CD300A: variants seen among roughly 807,000 people sequenced by gnomAD.
The protein encoded by CD300A is CD300a molecule.
Under a neutral mutation model 33.6 loss-of-function variants are expected in CD300A, and 22 were observed. The ratio of observed to expected loss-of-function variants is 0.66; its 90% CI spans 0.47 to 0.94. CD300A has a LOEUF of 0.94. Among genes scored for constraint, CD300A ranks in the 40% least tolerant of loss-of-function variants. The pLI, the probability that CD300A is intolerant of heterozygous loss-of-function variation, is 0.00. For synonymous variants in CD300A, 136 were observed against 148.1 expected (o/e 0.92, Z 0.59); for missense variants, 326 against 360.5 (o/e 0.90, Z 0.77).
chr17:74,483,584 T>A (rs1401561781), intron 6 of CD300A, among the ~76,000 whole-genome samples: 1 of 152,200 alleles, frequency 6.6e-6, no homozygotes, highest in Non-Finnish European at 1.5e-5. Context: ...CTCAAACTCC[T>A]GACATCAAGT....
In CD300A at chr17:74,473,819, A is replaced by T; in HGVS notation, c.324A>T (p.Pro108=). ...AGTYWCGVDT[P]WLRDFHDPVV... ...CCTACTGGTGTGGGGTGGATACACC[A>T]TGGCTCCGAGACTTTCATGATCCCG... Residue 108 remains proline, a synonymous_variant, in exon 2 of 7, where the codon CCA becomes CCT. Coordinates refer to ENST00000360141, the MANE Select transcript of CD300A (RefSeq NM_007261.4). The T allele has an allele frequency of 8.1e-6, 13 of 1,613,728 alleles. No individual in the cohort carries two copies. Among genetic ancestry groups the T allele is most frequent in the Non-Finnish European group, 1.1e-5 (13 of 1,179,786 alleles).
In CD300A at chr17:74,482,334, C is replaced by T. The variant is rs1425862506; in HGVS notation, c.774+501C>T. ...CTGGGGGTCACTTGGCAGAGAGGAT[C>T]GGGAGGGATGTAAGCATCAGCAGGG... On this transcript the variant is annotated intron_variant, in intron 6 of 6. Coordinates refer to ENST00000360141, the MANE Select transcript of CD300A (RefSeq NM_007261.4). Among the ~76,000 whole-genome samples, 4 of 151,532 alleles carry T rather than the reference C, an allele frequency of 2.6e-5. No individual in the cohort carries two copies. The East Asian group carries it at 5.9e-4, about 22-fold the overall frequency.
intron 5 of CD300A, 165 bp from the exon 6 acceptor site, chr17:74,481,561 A>T: frequency 1.5e-6 from 1 of 662,322 alleles, no homozygotes; most frequent in East Asian, 2.7e-5. Context: ...AGCCAAGCTG[A>T]CCTGGGGAAC....
intron 1 of CD300A, among the ~76,000 whole-genome samples, chr17:74,468,596 A>C (rs1905884557): frequency 6.6e-6 from 1 of 152,070 alleles, no homozygotes; most frequent in Admixed American, 6.6e-5. Flanking sequence ...TCCTCCCAAA[A>C]TGCAGGGATT....
In CD300A at chr17:74,473,557, G is replaced by T. The variant is rs781399210; in HGVS notation, c.62G>T (p.Cys21Phe). The T allele has an allele frequency of 6.2e-7, 1 of 1,613,814 alleles. No individual in the cohort carries two copies. The highest frequency in any genetic ancestry group is 1.7e-5 in the Admixed American group (1 of 60,010). The part of the protein sequence containing the change: ...WVPGCFALSK[C>F]RTVAGPVGGS... ...CCAGGATGTTTTGCTCTGAGCAAAT[G>T]CAGGACCGTGGCGGGCCCCGTGGGG... The change falls in exon 2 of 7, where the codon TGC (cysteine) becomes TTC (phenylalanine). Residue 21 changes from cysteine to phenylalanine, a missense_variant. Physicochemically the swap from Cys to Phe is radical, Grantham distance 205. Transcript: ENST00000360141.
At chr17:74,478,592 C>T (rs753360099) in intron 4 of CD300A, among the ~76,000 whole-genome samples, 13 of 152,212 alleles carry the variant, frequency 8.5e-5, no homozygotes, top group Non-Finnish European at 1.6e-4. Context: ...GATTGCAGAT[C>T]CCTGGCCGAG....
chr17:74,484,379 T>G lies in CD300A; in HGVS notation c.*253T>G. On this transcript the variant is annotated 3_prime_UTR_variant, in exon 7 of 7. Coordinates refer to ENST00000360141, the MANE Select transcript of CD300A (RefSeq NM_007261.4). ...CCAGTGCCTGTCACCTCTTTCCCCT[T>G]TGCCCCTGCTTCATCCCAGCTCTGT... 1 of 360,228 alleles carries G rather than the reference T, an allele frequency of 2.8e-6. No individual in the cohort carries two copies. The highest frequency in any genetic ancestry group is 5.3e-6 in the Non-Finnish European group (1 of 190,274). 22.3% of individuals were successfully genotyped at this position (360,228 alleles called of 1,614,324 possible).
rs1485589398 is a variant in CD300A at position 74,484,468 on chromosome 17, C to G, written c.*342C>G. On this transcript the variant is annotated 3_prime_UTR_variant, in exon 7 of 7. Transcript: ENST00000360141. ...AAAGATGTGGCTCACGTAGGTGGCA[C>G]CTGCCAATAGCTTTGTCAATCACAG... 1 of 191,108 alleles carries G rather than the reference C, an allele frequency of 5.2e-6. No homozygotes were observed. Among genetic ancestry groups the G allele is most frequent in the South Asian group, 1.1e-4 (1 of 9,410 alleles). The allele number at this position is 191,108 out of a possible 1,614,324, so 11.8% of individuals were successfully genotyped here.
At chr17:74,483,137 A>G (rs1474118126) in intron 6 of CD300A, among the ~76,000 whole-genome samples, 1 of 152,050 alleles carries the variant, frequency 6.6e-6, no homozygotes, top group African/African-American at 2.4e-5. Context: ...TTGTTGTCTC[A>G]TGATTTAAAG....
chr17:74,481,814 AGGT>A lies in CD300A; in HGVS notation c.758_760del (p.Val253del). The A allele has an allele frequency of 6.2e-7, 1 of 1,611,580 alleles. No homozygotes were observed. The highest frequency in any genetic ancestry group is 8.5e-7 in the Non-Finnish European group (1 of 1,179,052). On this transcript the variant is annotated inframe_deletion, in exon 6 of 7. Transcript: ENST00000360141. Reference sequence around the variant, plus strand: ...AAGCCAGCACCACCAAGGGAGGTGGAGGTGGAATACAGCACTGTGGTAAGTGCA... The same window carrying A: ...AAGCCAGCACCACCAAGGGAGGTGGAGGAATACAGCACTGTGGTAAGTGCA...
chr17:74,481,307 T>C lies in CD300A; in HGVS notation c.647T>C (p.Leu216Pro). Residue 216 changes from leucine (L) to proline (P), a missense_variant, in exon 5 of 7, where the codon CTG (leucine) becomes CCG (proline). Coordinates refer to ENST00000360141, the MANE Select transcript of CD300A (RefSeq NM_007261.4). ...TCTCTAGCTGGTGACCATTCAGAGC[T>C]GTCCCAGAACCCCAAGCAGGTAAGG... ...KWIKAGDHSELSQNPKQAATQ... is the reference protein window; with the variant it reads ...KWIKAGDHSEPSQNPKQAATQ... 1.2e-6 allele frequency: 2 copies of C among 1,613,998 alleles called. No homozygotes were observed. Among genetic ancestry groups the C allele is most frequent in the Non-Finnish European group, 1.7e-6 (2 of 1,179,984 alleles).
chr17:74,473,966 G>C, intron 2 of CD300A, 92 bp downstream of exon 2: 1 of 1,407,632 alleles, frequency 7.1e-7, no homozygotes, highest in Middle Eastern at 1.9e-4. Flanking sequence ...GACAGTGTGT[G>C]TGTGTGTGTG....
At position 74,481,770 on chromosome 17, in the gene CD300A, G is replaced by T; in HGVS notation, c.711G>T (p.Leu237=). 6.2e-7 allele frequency: 1 copy of T among 1,613,000 alleles called. No homozygotes were observed. The highest frequency in any genetic ancestry group is 2.2e-5 in the East Asian group (1 of 44,842). The change falls in exon 6 of 7, where the codon CTG becomes CTT. Residue 237 remains leucine, a synonymous_variant. Coordinates refer to ENST00000360141, the MANE Select transcript of CD300A (RefSeq NM_007261.4). ...SELHYANLEL[L]MWPLQEKPAP... The stretch of plus-strand genomic sequence containing the variant: ...TGCACTACGCAAATCTGGAGCTGCT[G>T]ATGTGGCCTCTGCAGGAAAAGCCAG...
In CD300A at chr17:74,474,679, A is replaced by G. The variant is rs1906346903; in HGVS notation, c.527A>G (p.Asn176Ser). ...SIQEETEEVV[N>S]SQLPLLLSLL... ...CAGGAGGAAACTGAGGAGGTGGTGA[A>G]CTCACAGTAAGCACCCTAGCCCCTG... The change falls in exon 3 of 7, where the codon AAC (asparagine) becomes AGC (serine). Residue 176 changes from asparagine to serine, a missense_variant. Asn to Ser is a conservative substitution (Grantham distance 46, BLOSUM62 1). Coordinates refer to ENST00000360141, the MANE Select transcript of CD300A (RefSeq NM_007261.4). 6.2e-7 allele frequency: 1 copy of G among 1,613,964 alleles called. No homozygotes were observed. Among genetic ancestry groups the G allele is most frequent in the African/African-American group, 1.3e-5 (1 of 74,928 alleles).
At chr17:74,479,970 AC>A (rs755282452) in intron 4 of CD300A, among the ~76,000 whole-genome samples, 9 of 152,048 alleles carry the variant, frequency 5.9e-5, no homozygotes, top group Admixed American at 4.6e-4. Flanking sequence ...ACTGGGTCTT[AC>A]CTTCAGTGAG....
At chr17:74,466,475 C>T (rs1905712597), upstream of CD300A, 3 of 593,788 alleles carry the variant, frequency 5.1e-6, no homozygotes, top group South Asian at 4.1e-5. Flanking sequence ...AACCTGCAGC[C>T]TCAACCAGCG....
chr17:74,480,428 C>T lies in CD300A; in HGVS notation c.629-861C>T, dbSNP rs1906760106. On this transcript the variant is annotated intron_variant, in intron 4 of 6. Coordinates refer to ENST00000360141, the MANE Select transcript of CD300A (RefSeq NM_007261.4). This position sits in a 1 kb window ranked among gnomAD's most constrained non-coding sequence, Gnocchi z 4.2. ...GGGTTAGGGTGTACAGGGCTGTGCT[C>T]ATAGGCAGCACCCTTATAGAGCAGG... Among the ~76,000 whole-genome samples, 1 of 152,146 alleles carries T rather than the reference C, an allele frequency of 6.6e-6. No homozygotes were observed.
intron 1 of CD300A, 89 bp downstream of exon 1, chr17:74,466,832 C>T (rs77579255): frequency 5.7e-4 from 880 of 1,547,034 alleles, no homozygotes; most frequent in East Asian, 7.1e-4. Flanking sequence ...CGAGACGCCC[C>T]GAGTCTGGAC....
At chr17:74,482,872 G>A (rs374379238) in intron 6 of CD300A, among the ~76,000 whole-genome samples, 1 of 151,288 alleles carries the variant, frequency 6.6e-6, no homozygotes, top group Admixed American at 6.6e-5. Context: ...CACTACACTG[G>A]CTGATTTTTG....
Sources: gnomAD v4.1 joint callset for allele counts (sites outside exome capture counted in the v4.1 genomes callset) on GRCh38, gnomAD v4.1.1 for gene constraint, Gnocchi (gnomAD v3.1) non-coding constraint, MANE v1.5 for transcripts, NCBI Gene and HGNC (gene_info 2026-07-23, HGNC 2026-07-21) for gene names.